Variants in ZFAND3 observed in about 807,000 individuals in gnomAD.
ZFAND3 encodes zinc finger AN1-type containing 3.
ZFAND3 carries 10 observed loss-of-function variants against 29.6 expected under a neutral mutation model. That is an observed-to-expected ratio of 0.34 (90% CI 0.21 to 0.57). The LOEUF is 0.57. Ranked by LOEUF, ZFAND3 falls within the 20% of genes least tolerant of loss-of-function variation. The pLI is 0.86. For synonymous variants in ZFAND3, 128 were observed against 112.6 expected, an observed-to-expected ratio of 1.14 and a Z score of -0.87; for missense variants, 230 against 304.5, an observed-to-expected ratio of 0.76 and a Z score of 1.82.
chr6:38,017,901 C>G (rs557462974), intron 2 of ZFAND3, among the ~76,000 whole-genome samples: 1 of 152,158 alleles, frequency 6.6e-6, no homozygotes, highest in South Asian at 2.1e-4. Context: ...GGTATTGTCC[C>G]CTCCCCCAAG....
intron 2 of ZFAND3, among the ~76,000 whole-genome samples, chr6:38,050,994 T>G (rs1333249698): frequency 6.6e-6 from 1 of 152,054 alleles, no homozygotes; most frequent in Non-Finnish European, 1.5e-5. Flanking sequence ...GGCTGAGAAC[T>G]GAGTAGAAAT....
intron 1 of ZFAND3, among the ~76,000 whole-genome samples, chr6:37,924,762 A>G (rs554526463): frequency 6.6e-6 from 1 of 152,084 alleles, no homozygotes; most frequent in East Asian, 1.9e-4. Flanking sequence ...TCAAGGCTGC[A>G]GTGAGCTATG....
intron 2 of ZFAND3, among the ~76,000 whole-genome samples, chr6:37,991,753 A>C (rs556680265): frequency 1.7e-4 from 26 of 152,190 alleles, no homozygotes; most frequent in South Asian, 8.3e-4. Context: ...CCGAGTACCC[A>C]CTGTGTGTCT....
intron 3 of ZFAND3, among the ~76,000 whole-genome samples, chr6:38,077,605 A>G (rs189775150): frequency 1.1e-3 from 171 of 152,244 alleles, no homozygotes; most frequent in African/African-American, 4.0e-3. Flanking sequence ...TTTTTTTCTA[A>G]TTGATGTGCT....
intron 2 of ZFAND3, among the ~76,000 whole-genome samples, chr6:38,051,533 G>T (rs1251330215): frequency 6.6e-6 from 1 of 152,210 alleles, no homozygotes; most frequent in Non-Finnish European, 1.5e-5. Flanking sequence ...CTAATGGCTT[G>T]AGGGGAAGTC....
chr6:38,007,178 T>C (rs143464797), intron 2 of ZFAND3, among the ~76,000 whole-genome samples: 3 of 152,312 alleles, frequency 2.0e-5, no homozygotes, highest in Admixed American at 6.5e-5. Flanking sequence ...ATAGCATATA[T>C]TTAGCTTTAT....
At chr6:38,004,469 T>C (rs1763008499) in intron 2 of ZFAND3, among the ~76,000 whole-genome samples, 1 of 141,616 alleles carries the variant, frequency 7.1e-6, no homozygotes, top group Non-Finnish European at 1.5e-5. Context: ...TCTCCCCCTC[T>C]CCATCCCTCT....
intron 1 of ZFAND3, among the ~76,000 whole-genome samples, chr6:37,836,691 A>G (rs972013008): frequency 5.3e-5 from 8 of 152,346 alleles, no homozygotes; most frequent in Middle Eastern, 3.4e-3. Flanking sequence ...TCTTTCATTA[A>G]TCATTCATGA....
chr6:37,897,360 A>G (rs1362575793), intron 1 of ZFAND3, among the ~76,000 whole-genome samples: 2 of 152,156 alleles, frequency 1.3e-5, no homozygotes, highest in African/African-American at 2.4e-5. Flanking sequence ...GTTGTTGCTT[A>G]TGGTAGTAAT....
chr6:37,962,983 A>G (rs1385659752), intron 2 of ZFAND3, among the ~76,000 whole-genome samples: 1 of 152,136 alleles, frequency 6.6e-6, no homozygotes, highest in Non-Finnish European at 1.5e-5. Flanking sequence ...TGTAACGCTC[A>G]CTGCAAAGGT....
At chr6:38,077,372 G>A (rs1764574835) in intron 3 of ZFAND3, among the ~76,000 whole-genome samples, 1 of 152,128 alleles carries the variant, frequency 6.6e-6, no homozygotes, top group African/African-American at 2.4e-5. Flanking sequence ...AAAAACGGAT[G>A]ATGCATTTTT....
chr6:38,096,222 G>A (rs1191678128), intron 4 of ZFAND3, among the ~76,000 whole-genome samples: 2 of 151,444 alleles, frequency 1.3e-5, no homozygotes, highest in Admixed American at 1.3e-4. Flanking sequence ...ACTCAGGCTG[G>A]AGTGCAGTGG....
At chr6:37,962,543 G>T (rs910475770) in intron 2 of ZFAND3, among the ~76,000 whole-genome samples, 1 of 152,206 alleles carries the variant, frequency 6.6e-6, no homozygotes, top group Non-Finnish European at 1.5e-5. Context: ...GAACTTTTCT[G>T]TCTAAAGGAT....
chr6:38,025,142 GA>G (rs1763424028), intron 2 of ZFAND3, among the ~76,000 whole-genome samples: 1 of 152,124 alleles, frequency 6.6e-6, no homozygotes, highest in South Asian at 2.1e-4. Flanking sequence ...CTTTGTTTTA[GA>G]AATATGTTTC....
At chr6:38,094,140 T>C (rs757071755) in intron 4 of ZFAND3, among the ~76,000 whole-genome samples, 5 of 151,886 alleles carry the variant, frequency 3.3e-5, no homozygotes, top group Non-Finnish European at 5.9e-5. Flanking sequence ...GTGTTCTGAT[T>C]AAAGGAAAAA....
At chr6:37,839,261 A>G (rs1581699351) in intron 1 of ZFAND3, among the ~76,000 whole-genome samples, 1 of 151,304 alleles carries the variant, frequency 6.6e-6, no homozygotes, top group African/African-American at 2.4e-5. Context: ...GCTCACTGCA[A>G]CCTCCGCCTC....
chr6:37,887,495 G>C (rs1468344702), intron 1 of ZFAND3, among the ~76,000 whole-genome samples: 5 of 152,088 alleles, frequency 3.3e-5, no homozygotes, highest in Non-Finnish European at 5.9e-5. Flanking sequence ...AACTTACTAT[G>C]TTGGAAATTA....
intron 1 of ZFAND3, among the ~76,000 whole-genome samples, chr6:37,867,377 A>C (rs1222497734): frequency 6.6e-6 from 1 of 152,228 alleles, no homozygotes; most frequent in Non-Finnish European, 1.5e-5. Flanking sequence ...TTTCTCTGTT[A>C]AGGAGCTGTG....
intron 2 of ZFAND3, among the ~76,000 whole-genome samples, chr6:37,931,737 T>C (rs1432930418): frequency 6.6e-6 from 1 of 152,098 alleles, no homozygotes; most frequent in African/African-American, 2.4e-5. Flanking sequence ...AAAGAGATTT[T>C]TTTTGTTGTT....
Sources: gnomAD v4.1 joint callset for allele counts (sites outside exome capture counted in the v4.1 genomes callset) on GRCh38, gnomAD v4.1.1 for gene constraint, MANE v1.5 for transcripts, NCBI Gene and HGNC (gene_info 2026-07-23, HGNC 2026-07-21) for gene names.